DNAAF5: variants seen among roughly 807,000 people sequenced by gnomAD.
The protein encoded by DNAAF5 is HEAT repeat containing 2.
DNAAF5 carries 64 observed loss-of-function variants against 75.8 expected under a neutral mutation model. The observed-to-expected ratio is 0.84, with a 90% confidence interval of 0.69 to 1.04. DNAAF5 has a LOEUF of 1.04. Ranked by LOEUF, DNAAF5 falls within the 50% of genes least tolerant of loss-of-function variation. The pLI is 0.00. For synonymous variants in DNAAF5, 657 were observed against 557.2 expected (o/e 1.18, Z -2.52); for missense variants, 1,269 against 1,178.5 (o/e 1.08, Z -1.12).
In DNAAF5 at chr7:774,987, ATG is replaced by A. The variant is rs1562399598; in HGVS notation, c.2083-15_2083-14del. On this transcript the variant is annotated splice_polypyrimidine_tract_variant and intron_variant, in intron 10 of 12. Coordinates refer to ENST00000297440, the MANE Select transcript of DNAAF5 (RefSeq NM_017802.4). The stretch of plus-strand genomic sequence containing the variant: ...CCAGGACAGATGTGAGTCACGTCGT[ATG>A]TGTTTGCTGATTGCAGATACGGGAC... 1 of 1,613,432 alleles carries A rather than the reference ATG, an allele frequency of 6.2e-7. No individual in the cohort carries two copies. The highest frequency in any genetic ancestry group is 8.5e-7 in the Non-Finnish European group (1 of 1,179,694).
chr7:743,455 C>T (rs893583071), intron 4 of DNAAF5, among the ~76,000 whole-genome samples: 11 of 152,042 alleles, frequency 7.2e-5, no homozygotes, highest in African/African-American at 2.7e-4. Context: ...CCTACAGAGC[C>T]GTGGCTCCTC....
intron 2 of DNAAF5, among the ~76,000 whole-genome samples, chr7:730,684 A>G (rs564597283): frequency 6.8e-4 from 104 of 152,218 alleles, no homozygotes; most frequent in African/African-American, 2.4e-3. Flanking sequence ...CCTGCTCAGG[A>G]CACCCCTGCT....
chr7:729,594 G>A, intron 1 of DNAAF5, 69 bp from the exon 2 acceptor site: 1 of 1,487,894 alleles, frequency 6.7e-7, no homozygotes, highest in Non-Finnish European at 9.1e-7. Flanking sequence ...GCCGTCCTCT[G>A]GAAGCCCACA....
intron 2 of DNAAF5, among the ~76,000 whole-genome samples, chr7:733,828 T>C (rs1386351724): frequency 6.6e-6 from 1 of 152,230 alleles, no homozygotes; most frequent in African/African-American, 2.4e-5. Flanking sequence ...TTCACTTCTT[T>C]GGTTAAGTTA....
chr7:785,092 C>T (rs565597259), intron 12 of DNAAF5, among the ~76,000 whole-genome samples: 7 of 152,020 alleles, frequency 4.6e-5, no homozygotes, highest in African/African-American at 1.7e-4. Context: ...TCCGCTGCAT[C>T]AGGTCGCTCG....
At chr7:784,098 G>A (rs921628607) in intron 12 of DNAAF5, among the ~76,000 whole-genome samples, 2 of 147,640 alleles carry the variant, frequency 1.4e-5, no homozygotes, top group African/African-American at 2.5e-5. Flanking sequence ...ACCCCTCCTC[G>A]AGGCCCTGGG....
chr7:726,923 C>G lies in DNAAF5; in HGVS notation c.203C>G (p.Ala68Gly). Residue 68 changes from alanine to glycine, a missense_variant, in exon 1 of 13, where the codon GCT becomes GGT. Transcript: ENST00000297440. Reference sequence around the variant, plus strand: ...CCAGGCCCTGCCGCCGACCCCACCGCTTTCCAGGGCCCCTGGGCGCGCCTA... The same window carrying G: ...CCAGGCCCTGCCGCCGACCCCACCGGTTTCCAGGGCCCCTGGGCGCGCCTA... ...EEPGPAADPTAFQGPWARLLL... is the reference protein window; with the variant it reads ...EEPGPAADPTGFQGPWARLLL... 2 of 1,347,634 alleles carry G rather than the reference C, an allele frequency of 1.5e-6. No homozygotes were observed. The highest frequency in any genetic ancestry group is 1.9e-6 in the Non-Finnish European group (2 of 1,047,016). 83.5% of individuals were successfully genotyped at this position (1,347,634 alleles called of 1,614,324 possible).
intron 2 of DNAAF5, among the ~76,000 whole-genome samples, chr7:735,882 T>C (rs2128071244): frequency 6.6e-6 from 1 of 152,350 alleles, no homozygotes; most frequent in African/African-American, 2.4e-5. Flanking sequence ...CTGTTTGAAG[T>C]TATCTGCTCT....
intron 4 of DNAAF5, among the ~76,000 whole-genome samples, chr7:749,993 C>T (rs1418881767): frequency 6.6e-6 from 1 of 152,166 alleles, no homozygotes; most frequent in Admixed American, 6.5e-5. Context: ...GCCACGGTGC[C>T]CAGCCTATGT....
chr7:770,386 A>G, intron 8 of DNAAF5, 85 bp from the exon 9 acceptor site: 1 of 1,304,762 alleles, frequency 7.7e-7, no homozygotes, highest in South Asian at 1.5e-5. Context: ...CCCAGGTGGG[A>G]GCGCCTGAGC....
At chr7:780,826 C>CTTTTTTTTTTTT (rs201445917) in intron 12 of DNAAF5, among the ~76,000 whole-genome samples, 5 of 131,260 alleles carry the variant, frequency 3.8e-5, no homozygotes, top group African/African-American at 5.6e-5. Flanking sequence ...TTTTTTTTTT[C>CTTTTTTTTTTTT]TTTTTTTTTT....
intron 12 of DNAAF5, among the ~76,000 whole-genome samples, chr7:782,077 G>T (rs1251895505): frequency 2.0e-5 from 3 of 152,224 alleles, no homozygotes; most frequent in Admixed American, 6.5e-5. Context: ...CGGTTTCCCG[G>T]CGTGGCTACA....
Position 775,078 on chromosome 7 carries a change from C to T in DNAAF5, c.2155C>T (p.Leu719=). The T allele has an allele frequency of 6.2e-7, 1 of 1,614,100 alleles. No homozygotes were observed. Among genetic ancestry groups the T allele is most frequent in the Non-Finnish European group, 8.5e-7 (1 of 1,180,006 alleles). ...GGAGGAGGATTCGAAGATGACGCGA[C>T]TGATCTCATGCCGTATTATCAACAC... ...TLEEDSKMTR[L]ISCRIINTFL... The change falls in exon 11 of 13, where the codon CTG becomes TTG. Residue 719 remains leucine, a synonymous_variant. Coordinates refer to ENST00000297440, the MANE Select transcript of DNAAF5 (RefSeq NM_017802.4).
At chr7:749,397 G>A (rs1487563689) in intron 4 of DNAAF5, among the ~76,000 whole-genome samples, 2 of 152,264 alleles carry the variant, frequency 1.3e-5, no homozygotes, top group African/African-American at 4.8e-5. Flanking sequence ...TCACACAGGA[G>A]GACAGAGTTG....
intron 12 of DNAAF5, among the ~76,000 whole-genome samples, chr7:785,182 C>G (rs2128088275): frequency 1.3e-5 from 2 of 152,298 alleles, no homozygotes; most frequent in Non-Finnish European, 2.9e-5. Flanking sequence ...GGACACCCAT[C>G]CAGCAGGATC....
At position 729,646 on chromosome 7, in the gene DNAAF5, G is replaced by T; in HGVS notation, c.596-17G>T. 6.2e-7 allele frequency: 1 copy of T among 1,608,212 alleles called. No homozygotes were observed. The highest frequency in any genetic ancestry group is 8.5e-7 in the Non-Finnish European group (1 of 1,176,152). On this transcript the variant is annotated splice_polypyrimidine_tract_variant and intron_variant, in intron 1 of 12. Coordinates refer to ENST00000297440, the MANE Select transcript of DNAAF5 (RefSeq NM_017802.4). ...GTGGGAGCAGCTCTGGTAACTGGGG[G>T]CCTCCCTGTCCCTCAGACCACTTCC... is the stretch of plus-strand genomic sequence containing the variant.
At chr7:775,795 C>T (rs1413933177) in intron 11 of DNAAF5, among the ~76,000 whole-genome samples, 3 of 151,560 alleles carry the variant, frequency 2.0e-5, no homozygotes, top group African/African-American at 7.3e-5. Context: ...TGCCTTAAAA[C>T]AACGTTGAAC....
In DNAAF5 at chr7:727,213, G is replaced by A; in HGVS notation, c.493G>A (p.Asp165Asn). 7.4e-7 allele frequency: 1 copy of A among 1,351,246 alleles called. No individual in the cohort carries two copies. Among genetic ancestry groups the A allele is most frequent in the Middle Eastern group, 2.8e-4 (1 of 3,620 alleles). The allele number at this position is 1,351,246 out of a possible 1,614,324, so 83.7% of individuals were successfully genotyped here. A position where few individuals can be genotyped will look rare whatever the true frequency, so the allele number is the denominator to read the frequency against. Residue 165 changes from aspartate (D) to asparagine (N), a missense_variant, in exon 1 of 13, where the codon GAC becomes AAC. By Grantham distance (23) the Asp-to-Asn change is conservative (BLOSUM62 1). Coordinates refer to ENST00000297440, the MANE Select transcript of DNAAF5 (RefSeq NM_017802.4). ...CGGCGCCGCGCTCGCGCCCCACCTG[G>A]ACGACGCTCTGCGCGCGCTGCGCTG... ...LCGAALAPHL[D>N]DALRALRCSL...
intron 2 of DNAAF5, among the ~76,000 whole-genome samples, chr7:731,448 C>A (rs1203580396): frequency 6.6e-6 from 1 of 152,148 alleles, no homozygotes; most frequent in Non-Finnish European, 1.5e-5. Flanking sequence ...TCTAAAAATA[C>A]CATAACTATG....
Sources: allele counts gnomAD v4.1 joint callset (sites outside exome capture counted in the v4.1 genomes callset), GRCh38; gene constraint gnomAD v4.1.1; transcripts MANE v1.5; gene names NCBI Gene and HGNC (gene_info 2026-07-23, HGNC 2026-07-21).